EEIG2: variants seen among roughly 807,000 people sequenced by gnomAD.
EEIG2 encodes EEIG family member 2, also known as family with sequence similarity 102 member B.
chr1:108,561,556 G>A, the EEIG2 span, among the ~76,000 whole-genome samples: 1 of 151,960 alleles, frequency 6.6e-6, no homozygotes, highest in Non-Finnish European at 1.5e-5. Context: ...TAATGTCACT[G>A]GATTGTGGAA....
the EEIG2 span, among the ~76,000 whole-genome samples, chr1:108,591,742 T>C: frequency 6.6e-6 from 1 of 152,066 alleles, no homozygotes; most frequent in South Asian, 2.1e-4. Flanking sequence ...CCTGGTCATA[T>C]GGGACACCGA....
chr1:108,565,057 G>C, the EEIG2 span, among the ~76,000 whole-genome samples: 2 of 152,140 alleles, frequency 1.3e-5, no homozygotes, highest in African/African-American at 4.8e-5. Context: ...AGACTAAAAG[G>C]TAATTATTTG....
the EEIG2 span, chr1:108,629,834 GTA>G: frequency 1.5e-6 from 1 of 662,058 alleles, no homozygotes; most frequent in Non-Finnish European, 2.8e-6. Flanking sequence ...TTAATTCTGG[GTA>G]TGTTTGACAT....
the EEIG2 span, among the ~76,000 whole-genome samples, chr1:108,587,747 G>T: frequency 3.3e-5 from 5 of 152,128 alleles, no homozygotes; most frequent in Admixed American, 1.3e-4. Context: ...AGTCTATGAT[G>T]TGTATTCTGA....
the EEIG2 span, among the ~76,000 whole-genome samples, chr1:108,634,634 A>G: frequency 6.6e-6 from 1 of 152,148 alleles, no homozygotes. Flanking sequence ...TTCTGGTTGC[A>G]GTGAGCTTCA....
chr1:108,593,755 A>T, the EEIG2 span, among the ~76,000 whole-genome samples: 1 of 152,136 alleles, frequency 6.6e-6, no homozygotes, highest in Non-Finnish European at 1.5e-5. Flanking sequence ...ATGTTGATAT[A>T]TGAATCTGAG....
At chr1:108,589,320 C>T in the EEIG2 span, among the ~76,000 whole-genome samples, 8 of 152,150 alleles carry the variant, frequency 5.3e-5, no homozygotes, top group Admixed American at 4.6e-4. Flanking sequence ...GAAATCCTCA[C>T]TTTATGCATA....
At chr1:108,602,989 A>C in the EEIG2 span, among the ~76,000 whole-genome samples, 2 of 152,210 alleles carry the variant, frequency 1.3e-5, no homozygotes, top group South Asian at 4.1e-4. Context: ...CAGGCCCTAA[A>C]GTATAATAAA....
chr1:108,594,814 T>A, the EEIG2 span, among the ~76,000 whole-genome samples: 5 of 152,184 alleles, frequency 3.3e-5, no homozygotes, highest in African/African-American at 1.2e-4. Flanking sequence ...GTTCTCTATC[T>A]CTATTTTACA....
chr1:108,628,482 T>A, the EEIG2 span: 1 of 1,613,968 alleles, frequency 6.2e-7, no homozygotes, highest in South Asian at 1.1e-5. Context: ...TCAACAGGAG[T>A]TGAAAGTATT....
chr1:108,630,139 T>A, the EEIG2 span, among the ~76,000 whole-genome samples: 2 of 152,188 alleles, frequency 1.3e-5, no homozygotes. Flanking sequence ...CCACTGTGCA[T>A]CGCTAGTCTG....
At chr1:108,561,670 A>T in the EEIG2 span, among the ~76,000 whole-genome samples, 1 of 152,268 alleles carries the variant, frequency 6.6e-6, no homozygotes, top group Admixed American at 6.5e-5. Flanking sequence ...AGTTTGCCGA[A>T]GACAGTTTTT....
chr1:108,601,518 C>G, the EEIG2 span, among the ~76,000 whole-genome samples: 1 of 150,340 alleles, frequency 6.7e-6, no homozygotes, highest in African/African-American at 2.4e-5. Flanking sequence ...ATAAAAGAAG[C>G]CATAAAAGAA....
chr1:108,560,704 T>G, the EEIG2 span: 1 of 1,049,484 alleles, frequency 9.5e-7, no homozygotes, highest in Non-Finnish European at 1.3e-6. Context: ...ATCTGCAAAG[T>G]GCTTTGCAAA....
chr1:108,616,458 T>C, the EEIG2 span: 1 of 1,356,426 alleles, frequency 7.4e-7, no homozygotes, highest in Non-Finnish European at 1.0e-6. Context: ...ATGGATTATG[T>C]ATCTAAAAGT....
At chr1:108,627,740 A>G in the EEIG2 span, 808 of 164,268 alleles carry the variant, frequency 4.9e-3, 2 homozygotes, top group Non-Finnish European at 6.0e-3. Context: ...TGGATTTTTA[A>G]GGAAGCAGTA....
the EEIG2 span, among the ~76,000 whole-genome samples, chr1:108,589,080 C>T: frequency 1.3e-5 from 2 of 152,070 alleles, no homozygotes; most frequent in African/African-American, 2.4e-5. Flanking sequence ...TGCATTAGAG[C>T]TCACTCTTTT....
the EEIG2 span, chr1:108,636,459 G>A: frequency 5.3e-5 from 8 of 152,260 alleles, no homozygotes; most frequent in Non-Finnish European, 1.2e-4. Context: ...GTGTTTTCAC[G>A]TTGGCAAAAA....
At chr1:108,574,624 G>A in the EEIG2 span, among the ~76,000 whole-genome samples, 1 of 152,178 alleles carries the variant, frequency 6.6e-6, no homozygotes. Context: ...GGTGGCAGGT[G>A]CCTGTAATCC....
Sources: gnomAD v4.1 joint callset for allele counts (sites outside exome capture counted in the v4.1 genomes callset) on GRCh38, gnomAD v4.1.1 for gene constraint, MANE v1.5 for transcripts, NCBI Gene and HGNC (gene_info 2026-07-23, HGNC 2026-07-21) for gene names.